Variants in IFT140 observed in about 807,000 individuals in gnomAD.
IFT140 encodes intraflagellar transport protein 140 homolog.
IFT140 carries 133 observed loss-of-function variants against 164.6 expected under a neutral mutation model. The observed-to-expected ratio is 0.81, with a 90% CI of 0.70 to 0.93. The LOEUF is 0.93. IFT140 is among the 40% of genes least tolerant of loss of function. The pLI, the probability that IFT140 is intolerant of heterozygous loss-of-function variation, is 0.00. For missense variants in IFT140, 2,045 were observed against 1,972.3 expected, an observed-to-expected ratio of 1.04 and a Z score of -0.70; for synonymous variants, 860 against 817.3, an observed-to-expected ratio of 1.05 and a Z score of -0.89.
At position 1,533,959 on chromosome 16, in the gene IFT140, G is replaced by A; in HGVS notation, c.2400-7163C>T. 2.4e-6 allele frequency: 1 copy of A among 419,060 alleles called. No homozygotes were observed. Among genetic ancestry groups the A allele is most frequent in the Non-Finnish European group, 4.3e-6 (1 of 234,848 alleles). The allele number at this position is 419,060 out of a possible 1,614,324, so 26.0% of individuals were successfully genotyped here. A position where few individuals can be genotyped will look rare whatever the true frequency, so the allele number is the denominator to read the frequency against. ...GCGAGAAGAGGCACGCGCGGCACAG[G>A]CCGGCCTCCGCTTCCCGGGAAGACG... On this transcript the variant is annotated intron_variant, in intron 19 of 30. Transcript: ENST00000426508. This position sits in a 1 kb window ranked among gnomAD's most constrained non-coding sequence, Gnocchi z 4.7.
chr16:1,521,760 C>A (rs545008421), intron 26 of IFT140, among the ~76,000 whole-genome samples: 2 of 151,658 alleles, frequency 1.3e-5, no homozygotes, highest in Admixed American at 6.6e-5. Flanking sequence ...TTGGCTCATG[C>A]CTGTAATTCC....
chr16:1,611,303 G>C (rs886921465), intron 1 of IFT140, among the ~76,000 whole-genome samples: 1 of 152,150 alleles, frequency 6.6e-6, no homozygotes, highest in South Asian at 2.1e-4. Context: ...CCAGGAGTTC[G>C]AGACCAGCCT....
chr16:1,597,432 C>G (rs2035521823), intron 4 of IFT140, among the ~76,000 whole-genome samples: 1 of 152,220 alleles, frequency 6.6e-6, no homozygotes, highest in African/African-American at 2.4e-5. Context: ...TGGCCGTGCT[C>G]TCCTGGGAGA....
chr16:1,519,697 C>T (rs2040461752), intron 29 of IFT140, among the ~76,000 whole-genome samples, 184 bp downstream of exon 29: 1 of 152,220 alleles, frequency 6.6e-6, no homozygotes, highest in Admixed American at 6.5e-5. Context: ...AACACCTTCC[C>T]AAGGCTGTGC....
chr16:1,607,086 A>G, intron 3 of IFT140, 34 bp downstream of exon 3: 4 of 1,604,970 alleles, frequency 2.5e-6, no homozygotes, highest in Non-Finnish European at 3.4e-6. Context: ...GCCAGAAGCT[A>G]CCACAGTCAG....
chr16:1,590,565 C>T (rs1181143397), intron 6 of IFT140, among the ~76,000 whole-genome samples: 1 of 152,162 alleles, frequency 6.6e-6, no homozygotes, highest in East Asian at 1.9e-4. Context: ...CAGGACTTAA[C>T]TGTACCCAGC....
At chr16:1,539,211 C>T (rs1030554107) in intron 19 of IFT140, among the ~76,000 whole-genome samples, 2 of 151,276 alleles carry the variant, frequency 1.3e-5, no homozygotes, top group African/African-American at 4.9e-5. Flanking sequence ...CCACACGGTG[C>T]CAACGCCGAC....
At chr16:1,511,191 A>ACCAGGCACGACCCTCTGCCTGCAGG in intron 30 of IFT140, 41 bp from the exon 31 acceptor site, 1 of 1,517,726 alleles carries the variant, frequency 6.6e-7, no homozygotes, top group South Asian at 1.2e-5. Flanking sequence ...TTCCTGAACA[A>ACCAGGCACGACCCTCTGCCTGCAGG]CCAGGCACGA....
intron 13 of IFT140, among the ~76,000 whole-genome samples, chr16:1,579,841 G>A (rs991561353): frequency 2.0e-5 from 3 of 151,990 alleles, no homozygotes; most frequent in Non-Finnish European, 2.9e-5. Flanking sequence ...GCGCACACCT[G>A]TAGTCCTAGC....
intron 10 of IFT140, among the ~76,000 whole-genome samples, chr16:1,585,025 G>A (rs943022626): frequency 3.3e-5 from 5 of 152,222 alleles, no homozygotes; most frequent in Admixed American, 1.3e-4. Flanking sequence ...GCCTGGTGAA[G>A]TGAAGGAAGC....
Position 1,607,271 on chromosome 16 carries a change from G to C in IFT140, c.-5C>G. On this transcript the variant is annotated 5_prime_UTR_variant, in exon 3 of 31. Transcript: ENST00000426508. ...GTGGTCATAATAGAGGGCCATGACG[G>C]AACTCAGGCCTCCTCAGCGCTGAAA... is the stretch of plus-strand genomic sequence containing the variant. The C allele has an allele frequency of 2.5e-6, 4 of 1,612,288 alleles. No homozygotes were observed. Among genetic ancestry groups the C allele is most frequent in the Non-Finnish European group, 2.5e-6 (3 of 1,179,190 alleles).
In IFT140 at chr16:1,510,912, C is replaced by T. The variant is rs1476041693; in HGVS notation, c.*32G>A. The T allele has an allele frequency of 1.3e-6, 2 of 1,589,494 alleles. No individual in the cohort carries two copies. The highest frequency in any genetic ancestry group is 4.5e-5 in the East Asian group (2 of 44,286). ...AAAAATTCCAGAAGATGCCTTTCTGCAGCAGCACGCTGGTCCTGGGGCCCA... is the reference window on the plus strand; with the variant it reads ...AAAAATTCCAGAAGATGCCTTTCTGTAGCAGCACGCTGGTCCTGGGGCCCA... On this transcript the variant is annotated 3_prime_UTR_variant, in exon 31 of 31. Transcript: ENST00000426508.
At chr16:1,555,339 G>C in intron 19 of IFT140, 1 of 333,464 alleles carries the variant, frequency 3.0e-6, no homozygotes, top group Non-Finnish European at 5.6e-6. Context: ...GCTGCCCTGC[G>C]CTCCGCTTTG....
intron 9 of IFT140, 129 bp downstream of exon 9, chr16:1,587,069 T>G: frequency 1.5e-6 from 1 of 679,814 alleles, no homozygotes; most frequent in Non-Finnish European, 2.6e-6. Flanking sequence ...CCCGACTATT[T>G]GAATGGCTGT....
At chr16:1,580,619 A>ACCCGGTC in intron 13 of IFT140, 140 bp downstream of exon 13, 1 of 584,398 alleles carries the variant, frequency 1.7e-6, no homozygotes, top group Non-Finnish European at 3.1e-6. Context: ...TTTATAAATT[A>ACCCGGTC]CCCGGTCTCA....
chr16:1,544,453 A>G (rs547035286), intron 19 of IFT140, among the ~76,000 whole-genome samples: 254 of 148,066 alleles, frequency 1.7e-3, no homozygotes, highest in African/African-American at 5.7e-3. Context: ...CCAAAGTGCT[A>G]GGATTATAGG....
intron 19 of IFT140, among the ~76,000 whole-genome samples, chr16:1,534,737 C>CT (rs1461866595): frequency 6.6e-6 from 1 of 150,864 alleles, no homozygotes; most frequent in Non-Finnish European, 1.5e-5. Context: ...CCAAGGCCCC[C>CT]TCTCCCTGGT....
At chr16:1,606,821 G>A (rs1162404642) in intron 3 of IFT140, among the ~76,000 whole-genome samples, 1 of 151,662 alleles carries the variant, frequency 6.6e-6, no homozygotes, top group African/African-American at 2.4e-5. Flanking sequence ...ATACACACAC[G>A]CACCACACGC....
intron 19 of IFT140, among the ~76,000 whole-genome samples, chr16:1,529,482 C>T (rs9934455): frequency 0.24 from 37,110 of 152,168 alleles, 4,710 homozygotes; most frequent in East Asian, 0.34. Flanking sequence ...GTGCATGGGA[C>T]CCCAGGGAGG....
Sources: gnomAD v4.1 joint callset for allele counts (sites outside exome capture counted in the v4.1 genomes callset) on GRCh38, gnomAD v4.1.1 for gene constraint, Gnocchi (gnomAD v3.1) non-coding constraint, MANE v1.5 for transcripts, NCBI Gene and HGNC (gene_info 2026-07-23, HGNC 2026-07-21) for gene names.